Variants in C8orf89 observed in about 807,000 individuals in gnomAD.
C8orf89 encodes chromosome 8 open reading frame 89.
Under a neutral mutation model 15.8 loss-of-function variants are expected in C8orf89, and 14 were observed. That is an observed-to-expected ratio of 0.89 (90% CI 0.59 to 1.39). The LOEUF is 1.39. Ranked by LOEUF, C8orf89 falls within the 40% of genes most tolerant of loss-of-function variation. C8orf89 has a pLI of 0.00. For synonymous variants in C8orf89, 55 were observed against 62.2 expected, an observed-to-expected ratio of 0.88 and a Z score of 0.54; for missense variants, 181 against 184.5, an observed-to-expected ratio of 0.98 and a Z score of 0.11.
At chr8:73,266,922 T>C in the C8orf89 span, among the ~76,000 whole-genome samples, 16 of 152,112 alleles carry the variant, frequency 1.1e-4, no homozygotes, top group Non-Finnish European at 1.8e-4. Context: ...GAACCTGTAA[T>C]AATTTGTCAT....
intron 2 of C8orf89, among the ~76,000 whole-genome samples, chr8:73,253,699 A>T (rs1302274648): frequency 2.0e-5 from 3 of 151,152 alleles, no homozygotes; most frequent in Admixed American, 6.6e-5. Flanking sequence ...TTTGAAGCAA[A>T]TGTGAATGGG....
chr8:73,272,667 A>G, the C8orf89 span, among the ~76,000 whole-genome samples: 5 of 150,264 alleles, frequency 3.3e-5, no homozygotes, highest in African/African-American at 1.2e-4. Context: ...AAGTGTTCTC[A>G]TTGTTCAATT....
At chr8:73,263,247 T>G (rs1813561401), upstream of C8orf89, among the ~76,000 whole-genome samples, 3 of 152,212 alleles carry the variant, frequency 2.0e-5, no homozygotes, top group Admixed American at 6.5e-5. Flanking sequence ...GCATGGTGGC[T>G]CACACCTATA....
chr8:73,257,072 T>C lies in C8orf89; in HGVS notation c.182A>G (p.Tyr61Cys). ...EELKECIKMP[Y>C]LPGLQSCQKS... The stretch of plus-strand genomic sequence containing the variant: ...TTGGCAACTTTGCAGTCCTGGTAAA[T>C]ATGGCATTTTGATACATTCCTTGAG... Residue 61 changes from tyrosine to cysteine, a missense_variant, in exon 2 of 4, where the codon TAT (tyrosine) becomes TGT (cysteine). Coordinates refer to ENST00000624510, the MANE Select transcript of C8orf89 (RefSeq NM_001243237.3). The C allele has an allele frequency of 1.3e-6, 2 of 1,535,686 alleles. No homozygotes were observed. The highest frequency in any genetic ancestry group is 8.7e-7 in the Non-Finnish European group (1 of 1,146,596).
chr8:73,262,802 G>A (rs961168701), upstream of C8orf89, among the ~76,000 whole-genome samples: 20 of 138,620 alleles, frequency 1.4e-4, no homozygotes, highest in Non-Finnish European at 2.8e-4. Flanking sequence ...GGGCAACAGA[G>A]TAAGATCCTG....
At chr8:73,257,764 G>T (rs113772213) in intron 1 of C8orf89, among the ~76,000 whole-genome samples, 116 of 152,266 alleles carry the variant, frequency 7.6e-4, no homozygotes, top group African/African-American at 2.6e-3. Flanking sequence ...GAGGTTAAAG[G>T]TTTGGGTGTT....
rs897596905 is a variant in C8orf89, at chr8:73,252,819, C to CT, written c.282-2497dup. 3.3e-5 allele frequency among the ~76,000 whole-genome samples: 5 copies of CT among 152,306 alleles called. 1 individual carries two copies. Among genetic ancestry groups the CT allele is most frequent in the Middle Eastern group, 6.8e-3 (2 of 294 alleles). The stretch of plus-strand genomic sequence containing the variant: ...AACTCAGAATGCTATAAGTGCTTCA[C>CT]TTTTTTTAATACTACCAGAGTGAAT... On this transcript the variant is annotated intron_variant, in intron 2 of 3. Transcript: ENST00000624510.
intron 2 of C8orf89, among the ~76,000 whole-genome samples, chr8:73,251,543 C>T (rs2925444): frequency 0.082 from 12,458 of 152,226 alleles, 540 homozygotes; most frequent in East Asian, 0.13. Flanking sequence ...ATGAAGAACA[C>T]TTGTCATAAC....
chr8:73,273,863 T>C, the C8orf89 span, among the ~76,000 whole-genome samples: 1 of 151,918 alleles, frequency 6.6e-6, no homozygotes, highest in African/African-American at 2.4e-5. Flanking sequence ...TTGGTAACTA[T>C]ATGGAATGTA....
At chr8:73,269,875 A>G in the C8orf89 span, among the ~76,000 whole-genome samples, 1 of 152,250 alleles carries the variant, frequency 6.6e-6, no homozygotes, top group Non-Finnish European at 1.5e-5. Flanking sequence ...TTCTTAAACA[A>G]AAATTTTAAA....
At chr8:73,276,491 T>G in the C8orf89 span, among the ~76,000 whole-genome samples, 1 of 152,172 alleles carries the variant, frequency 6.6e-6, no homozygotes. Context: ...TGATGCATAC[T>G]TTTATTAAAG....
At chr8:73,276,856 G>A in the C8orf89 span, among the ~76,000 whole-genome samples, 2 of 142,140 alleles carry the variant, frequency 1.4e-5, no homozygotes, top group Admixed American at 1.5e-4. Context: ...ATCCAGGCTG[G>A]AGTGCAGTGG....
At chr8:73,284,717 G>A in the C8orf89 span, among the ~76,000 whole-genome samples, 7 of 152,128 alleles carry the variant, frequency 4.6e-5, no homozygotes, top group Non-Finnish European at 8.8e-5. Flanking sequence ...ACATTATAAT[G>A]TAATTTGAAA....
At chr8:73,284,710 T>G in the C8orf89 span, among the ~76,000 whole-genome samples, 2 of 152,272 alleles carry the variant, frequency 1.3e-5, no homozygotes, top group African/African-American at 4.8e-5. Context: ...TACTTATACA[T>G]TATAATGTAA....
chr8:73,279,704 C>G, the C8orf89 span, among the ~76,000 whole-genome samples: 1 of 152,070 alleles, frequency 6.6e-6, no homozygotes. Flanking sequence ...CTCAGCCAAA[C>G]AAAAAAACAG....
chr8:73,272,443 T>C, the C8orf89 span, among the ~76,000 whole-genome samples: 2,696 of 151,732 alleles, frequency 0.018, 77 homozygotes, highest in African/African-American at 0.062. Context: ...CACTTAATTC[T>C]TTTTTTTAAT....
chr8:73,250,934 G>A (rs1442254860), intron 2 of C8orf89, among the ~76,000 whole-genome samples: 1 of 151,856 alleles, frequency 6.6e-6, no homozygotes, highest in African/African-American at 2.4e-5. Context: ...GAGTAGCTGG[G>A]ATGGTAGCTG....
chr8:73,272,451 AAT>A, the C8orf89 span, among the ~76,000 whole-genome samples: 3 of 151,600 alleles, frequency 2.0e-5, no homozygotes, highest in Non-Finnish European at 2.9e-5. Context: ...TCTTTTTTTT[AAT>A]ATATATATAT....
At chr8:73,275,932 A>T in the C8orf89 span, among the ~76,000 whole-genome samples, 1 of 152,098 alleles carries the variant, frequency 6.6e-6, no homozygotes, top group Non-Finnish European at 1.5e-5. Context: ...TTTGAGTCTG[A>T]TTTTGATACT....
Sources: gnomAD v4.1 joint callset for allele counts (sites outside exome capture counted in the v4.1 genomes callset) on GRCh38, gnomAD v4.1.1 for gene constraint, MANE v1.5 for transcripts, NCBI Gene and HGNC (gene_info 2026-07-23, HGNC 2026-07-21) for gene names.